The following FHIT variants were observed in gnomAD, a reference collection of about 807,000 sequenced individuals.
FHIT encodes the protein bis(5'-adenosyl)-triphosphatase.
A neutral mutation model predicts 17.9 loss-of-function variants in FHIT; 19 were observed. That is an observed-to-expected ratio of 1.06 (90% CI 0.74 to 1.56). FHIT has a LOEUF of 1.56. Ranked by LOEUF, FHIT falls within the 40% of genes most tolerant of loss-of-function variation. The pLI, the probability that FHIT is intolerant of heterozygous loss-of-function variation, is 0.00. For missense variants in FHIT, 248 were observed against 189.2 expected (o/e 1.31, Z -1.82); for synonymous variants, 81 against 69.7 (o/e 1.16, Z -0.81).
chr3:60,470,506 A>G (rs1024881131), intron 5 of FHIT, among the ~76,000 whole-genome samples: 1 of 151,642 alleles, frequency 6.6e-6, no homozygotes, highest in Non-Finnish European at 1.5e-5. Context: ...GGGCACATGG[A>G]GAGTATTGCC....
At chr3:59,844,100 C>T (rs1223564489) in intron 8 of FHIT, among the ~76,000 whole-genome samples, 2 of 152,118 alleles carry the variant, frequency 1.3e-5, no homozygotes, top group Non-Finnish European at 2.9e-5. Context: ...TCTCTGACAC[C>T]TCCCCAGAAG....
intron 4 of FHIT, among the ~76,000 whole-genome samples, chr3:60,659,111 G>T (rs1463681565): frequency 6.6e-6 from 1 of 151,646 alleles, no homozygotes; most frequent in Non-Finnish European, 1.5e-5. Context: ...ATTGCATTCT[G>T]GACTCCTACA....
intron 2 of FHIT, among the ~76,000 whole-genome samples, chr3:61,055,355 C>T (rs2034180375): frequency 6.6e-6 from 1 of 152,086 alleles, no homozygotes; most frequent in Non-Finnish European, 1.5e-5. Context: ...ACAATAATGC[C>T]TAATTAGGGT....
At chr3:61,220,931 C>A (rs1400573071) in intron 1 of FHIT, among the ~76,000 whole-genome samples, 1 of 152,184 alleles carries the variant, frequency 6.6e-6, no homozygotes, top group Non-Finnish European at 1.5e-5. Flanking sequence ...CTTGCCACAT[C>A]TATTCAATGC....
intron 3 of FHIT, among the ~76,000 whole-genome samples, chr3:60,861,171 T>TATATGATATATATGATATATA (rs1358617646): frequency 1.9e-3 from 1 of 524 alleles, no homozygotes; most frequent in Non-Finnish European, 5.0e-3. Context: ...ATATCATATG[T>TATATGATATATATGATATATA]TCTATGATAT....
At position 60,012,266 on chromosome 3, in the gene FHIT, G is replaced by T. The variant is rs138073735; in HGVS notation, c.250-866C>A. Among the ~76,000 whole-genome samples the T allele has an allele frequency of 6.0e-3, 680 of 112,410 alleles. 4 individuals carry two copies. Among genetic ancestry groups the T allele is most frequent in the African/African-American group, 7.1e-3 (209 of 29,250 alleles). 73.7% of individuals were successfully genotyped at this position (112,410 alleles called of 152,430 possible). A position where few individuals can be genotyped will look rare whatever the true frequency, so the allele number is the denominator to read the frequency against. On this transcript the variant is annotated intron_variant, in intron 6 of 9. Transcript: ENST00000492590. ...ATGTAAATCAGGTGTTTTTTTTGTT[G>T]TTTTTTTTTTTTTTTTTTTTGAGAA...
chr3:59,896,562 CTAAAT>C (rs1461045865), intron 8 of FHIT, among the ~76,000 whole-genome samples: 1 of 152,010 alleles, frequency 6.6e-6, no homozygotes, highest in Non-Finnish European at 1.5e-5. Context: ...TTTATGAGTA[CTAAAT>C]TAAAGTTCAT....
intron 5 of FHIT, among the ~76,000 whole-genome samples, chr3:60,032,493 G>A (rs931305669): frequency 6.6e-6 from 1 of 151,988 alleles, no homozygotes; most frequent in Non-Finnish European, 1.5e-5. Flanking sequence ...ATTATTGGGG[G>A]AAAAGGTATA....
At chr3:59,976,604 C>A (rs3772480) in intron 7 of FHIT, among the ~76,000 whole-genome samples, 1 of 151,738 alleles carries the variant, frequency 6.6e-6, no homozygotes, top group Non-Finnish European at 1.5e-5. Context: ...TCCAGGCACA[C>A]GCCCCAGCCT....
chr3:60,465,274 C>A (rs1346730997), intron 5 of FHIT, among the ~76,000 whole-genome samples: 3 of 151,920 alleles, frequency 2.0e-5, no homozygotes, highest in Admixed American at 6.6e-5. Flanking sequence ...GGTTATTAAC[C>A]CCTTGTCAGA....
At chr3:60,803,308 T>C (rs563331070) in intron 4 of FHIT, among the ~76,000 whole-genome samples, 40 of 152,166 alleles carry the variant, frequency 2.6e-4, no homozygotes, top group Non-Finnish European at 4.3e-4. Flanking sequence ...TTACCGCCTA[T>C]ACGGACAGTC....
chr3:60,233,061 G>C (rs1340002328), intron 5 of FHIT, among the ~76,000 whole-genome samples: 3 of 152,138 alleles, frequency 2.0e-5, no homozygotes, highest in African/African-American at 4.8e-5. Context: ...GGAGAGAAGG[G>C]ATAGGTAAAA....
chr3:60,926,024 C>T (rs1707587748), intron 3 of FHIT, among the ~76,000 whole-genome samples: 2 of 152,178 alleles, frequency 1.3e-5, no homozygotes, highest in African/African-American at 4.8e-5. Context: ...AATATATATG[C>T]ACCCAATACA....
chr3:61,105,307 C>G (rs189082282), intron 2 of FHIT, among the ~76,000 whole-genome samples: 9 of 152,138 alleles, frequency 5.9e-5, no homozygotes, highest in South Asian at 2.1e-4. Flanking sequence ...ATTTGCCCCA[C>G]TGGCTTCGTT....
intron 8 of FHIT, among the ~76,000 whole-genome samples, chr3:59,853,347 G>A (rs640115): frequency 0.96 from 146,411 of 152,316 alleles, 70,467 homozygotes; most frequent in East Asian, 1. Context: ...ACTGGCCATT[G>A]TAAGCTAGAG....
At chr3:61,032,050 G>T (rs971566519) in intron 3 of FHIT, among the ~76,000 whole-genome samples, 2 of 152,304 alleles carry the variant, frequency 1.3e-5, no homozygotes, top group Middle Eastern at 3.4e-3. Flanking sequence ...AACATAAGAG[G>T]AGATTTTAGC....
At chr3:60,460,236 G>A (rs942618376) in intron 5 of FHIT, among the ~76,000 whole-genome samples, 1 of 152,136 alleles carries the variant, frequency 6.6e-6, no homozygotes, top group African/African-American at 2.4e-5. Context: ...ATTAAAATTA[G>A]GGAAAGTCTT....
rs1559915997 is a variant in FHIT, at chr3:60,441,742, ATT to A, written c.103+95116_103+95117del. 6.4e-3 allele frequency among the ~76,000 whole-genome samples: 113 copies of A among 17,776 alleles called. 6 individuals carry two copies. In the Middle Eastern group the frequency reaches 0.14, roughly 22 times the overall value. The allele number at this position is 17,776 out of a possible 152,430, so 11.7% of individuals were successfully genotyped here. On this transcript the variant is annotated intron_variant, in intron 5 of 9. Coordinates refer to ENST00000492590, the MANE Select transcript of FHIT (RefSeq NM_002012.4). ...TATATATTTGTATTTATATATATATATTTATATATATAAAAATATATATATAT... is the reference window on the plus strand; with the variant it reads ...TATATATTTGTATTTATATATATATATATATATATAAAAATATATATATAT...
chr3:60,345,798 T>C (rs1710745980), intron 5 of FHIT, among the ~76,000 whole-genome samples: 1 of 152,220 alleles, frequency 6.6e-6, no homozygotes, highest in Non-Finnish European at 1.5e-5. Context: ...AGAAAATGTC[T>C]TTTTGAAAAC....
Sources: allele counts gnomAD v4.1 joint callset (sites outside exome capture counted in the v4.1 genomes callset), GRCh38; gene constraint gnomAD v4.1.1; transcripts MANE v1.5; gene names NCBI Gene and HGNC (gene_info 2026-07-23, HGNC 2026-07-21).